Variants in TRPS1 observed in about 807,000 individuals in gnomAD.
TRPS1 encodes the protein transcriptional repressor GATA binding 1.
TRPS1 carries 6 observed loss-of-function variants against 101.2 expected under a neutral mutation model. The ratio of observed to expected loss-of-function variants is 0.06; its 90% CI spans 0.03 to 0.12. The LOEUF (loss-of-function observed/expected upper bound fraction) is 0.12. Ranked by LOEUF, TRPS1 falls within the 10% of genes least tolerant of loss-of-function variation. The probability of loss-of-function intolerance (pLI) is 1.00; values close to 1 mark genes in which losing one functional copy is unlikely to be tolerated. For missense variants in TRPS1, 1,363 were observed against 1,567.0 expected (o/e 0.87, Z 2.20); for synonymous variants, 578 against 589.8 (o/e 0.98, Z 0.29).
chr8:115,643,938 A>C (rs1290835786), intron 1 of TRPS1, among the ~76,000 whole-genome samples: 1 of 152,220 alleles, frequency 6.6e-6, no homozygotes, highest in Non-Finnish European at 1.5e-5. Context: ...GTACATCTCC[A>C]TCAGAGCTTC....
At chr8:115,664,114 T>C (rs1563678774) in intron 1 of TRPS1, among the ~76,000 whole-genome samples, 1 of 152,136 alleles carries the variant, frequency 6.6e-6, no homozygotes, top group Non-Finnish European at 1.5e-5. Flanking sequence ...CATCGGAGGA[T>C]AAATTTTAAA....
Position 115,410,925 on chromosome 8 carries a change from C to T in TRPS1, c.*3098G>A, listed in dbSNP as rs994015682. The T allele has an allele frequency of 1.3e-5, 2 of 151,114 alleles. No individual in the cohort carries two copies. Among genetic ancestry groups the T allele is most frequent in the Non-Finnish European group, 2.9e-5 (2 of 67,822 alleles). 9.4% of individuals were successfully genotyped at this position (151,114 alleles called of 1,614,324 possible). A position where few individuals can be genotyped will look rare whatever the true frequency, so the allele number is the denominator to read the frequency against. ...AAAAAAGTTCCGTACCATAATAGCT[C>T]GTTTAAAATCACAATTTAAGATAAA... On this transcript the variant is annotated 3_prime_UTR_variant, in exon 7 of 7. Transcript: ENST00000395715.
At chr8:115,528,433 T>C (rs1816053541) in intron 5 of TRPS1, among the ~76,000 whole-genome samples, 1 of 151,870 alleles carries the variant, frequency 6.6e-6, no homozygotes, top group Non-Finnish European at 1.5e-5. Context: ...AGACAGAAAA[T>C]GAGAGGGTCA....
chr8:115,413,284 T>A lies in TRPS1; in HGVS notation c.*739A>T, dbSNP rs2129740189. 1 of 152,606 alleles carries A rather than the reference T, an allele frequency of 6.6e-6. No homozygotes were observed. Among genetic ancestry groups the A allele is most frequent in the South Asian group, 2.1e-4 (1 of 4,832 alleles). 9.5% of individuals were successfully genotyped at this position (152,606 alleles called of 1,614,324 possible). On this transcript the variant is annotated 3_prime_UTR_variant, in exon 7 of 7. Transcript: ENST00000395715. ...TTGTTTTTTAAAATGGGTACATGTG[T>A]GGACAAAATGAATCTAAACCGCAAA...
At chr8:115,605,078 G>A in intron 3 of TRPS1, 76 bp from the exon 4 acceptor site, 2 of 1,345,966 alleles carry the variant, frequency 1.5e-6, no homozygotes, top group Non-Finnish European at 2.1e-6. Context: ...GAGGGGGAGG[G>A]TACTGCCAAG....
chr8:115,643,492 G>A (rs1303074028), intron 1 of TRPS1, among the ~76,000 whole-genome samples: 2 of 152,124 alleles, frequency 1.3e-5, no homozygotes, highest in Non-Finnish European at 2.9e-5. Context: ...TTATCTTTAA[G>A]AAAAAGCAAC....
chr8:115,618,311 A>C (rs1281124075), intron 3 of TRPS1, among the ~76,000 whole-genome samples: 1 of 152,196 alleles, frequency 6.6e-6, no homozygotes, highest in Non-Finnish European at 1.5e-5. Flanking sequence ...AAAATTACTA[A>C]AATTAAATGT....
chr8:115,511,798 T>A (rs1242037438), intron 5 of TRPS1, among the ~76,000 whole-genome samples: 2 of 151,850 alleles, frequency 1.3e-5, no homozygotes, highest in Non-Finnish European at 2.9e-5. Context: ...AGGTGACATA[T>A]CAAAAAGATG....
intron 5 of TRPS1, among the ~76,000 whole-genome samples, chr8:115,541,179 T>G (rs1816443726): frequency 6.6e-6 from 1 of 152,244 alleles, no homozygotes; most frequent in Non-Finnish European, 1.5e-5. Flanking sequence ...GAACAAAGCC[T>G]ACTATCTGAA....
chr8:115,457,653 A>G (rs773382619), intron 5 of TRPS1, among the ~76,000 whole-genome samples: 11 of 152,238 alleles, frequency 7.2e-5, no homozygotes, highest in Middle Eastern at 3.2e-3. Context: ...ATAAATTAAA[A>G]AATATAGGTA....
At chr8:115,634,742 T>G (rs1012510251) in intron 1 of TRPS1, among the ~76,000 whole-genome samples, 1 of 152,034 alleles carries the variant, frequency 6.6e-6, no homozygotes, top group South Asian at 2.1e-4. Flanking sequence ...TTAATCCTGT[T>G]GTAACATTAA....
At chr8:115,632,209 A>T (rs1818661908) in intron 1 of TRPS1, among the ~76,000 whole-genome samples, 1 of 152,174 alleles carries the variant, frequency 6.6e-6, no homozygotes, top group Non-Finnish European at 1.5e-5. Context: ...GGTTTATTAA[A>T]TATATAATGT....
chr8:115,453,871 C>T (rs1353333502), intron 5 of TRPS1, among the ~76,000 whole-genome samples: 1 of 152,162 alleles, frequency 6.6e-6, no homozygotes, highest in Non-Finnish European at 1.5e-5. Context: ...CACGGTGACA[C>T]ACTTGAAGCC....
At chr8:115,534,460 G>A (rs926201546) in intron 5 of TRPS1, among the ~76,000 whole-genome samples, 1 of 151,288 alleles carries the variant, frequency 6.6e-6, no homozygotes, top group South Asian at 2.1e-4. Flanking sequence ...CTCTAACCCC[G>A]ATACCATCAC....
At chr8:115,478,911 GTA>G (rs1230972059) in intron 5 of TRPS1, among the ~76,000 whole-genome samples, 1 of 148,034 alleles carries the variant, frequency 6.8e-6, no homozygotes, top group Non-Finnish European at 1.5e-5. Context: ...GTATATAAAT[GTA>G]TATATGTATA....
intron 5 of TRPS1, among the ~76,000 whole-genome samples, chr8:115,563,179 G>T (rs949206755): frequency 6.6e-6 from 1 of 151,960 alleles, no homozygotes; most frequent in African/African-American, 2.4e-5. Context: ...TCACTAAAAA[G>T]AACTGCAAGT....
At chr8:115,551,333 TA>T (rs1403197255) in intron 5 of TRPS1, among the ~76,000 whole-genome samples, 1 of 152,206 alleles carries the variant, frequency 6.6e-6, no homozygotes. Context: ...ATTCCAGTGC[TA>T]AAAAGTTTGA....
At chr8:115,545,066 C>A (rs902041413) in intron 5 of TRPS1, among the ~76,000 whole-genome samples, 1 of 152,086 alleles carries the variant, frequency 6.6e-6, no homozygotes, top group Non-Finnish European at 1.5e-5. Context: ...ATCTTCCAAA[C>A]AAAATTCTCT....
At chr8:115,501,586 C>T (rs192296242) in intron 5 of TRPS1, among the ~76,000 whole-genome samples, 1 of 152,204 alleles carries the variant, frequency 6.6e-6, no homozygotes, top group East Asian at 1.9e-4. Context: ...ATGTGAAGTT[C>T]AAAGTGCTCA....
Sources: gnomAD v4.1 joint callset for allele counts (sites outside exome capture counted in the v4.1 genomes callset) on GRCh38, gnomAD v4.1.1 for gene constraint, MANE v1.5 for transcripts, NCBI Gene and HGNC (gene_info 2026-07-23, HGNC 2026-07-21) for gene names.